QKI: variants seen among roughly 807,000 people sequenced by gnomAD.
QKI encodes KH domain-containing RNA-binding protein QKI.
A neutral mutation model predicts 39.0 loss-of-function variants in QKI; 10 were observed. The ratio of observed to expected loss-of-function variants is 0.26; its 90% CI spans 0.16 to 0.43. QKI has a LOEUF of 0.43. Among genes scored for constraint, QKI ranks in the 20% least tolerant of loss-of-function variants. The pLI is 1.00. For synonymous variants in QKI, 204 were observed against 155.4 expected (o/e 1.31, Z -2.33); for missense variants, 218 against 428.0 (o/e 0.51, Z 4.33).
At chr6:163,542,325 T>C (rs1056738840) in intron 4 of QKI, among the ~76,000 whole-genome samples, 2 of 152,134 alleles carry the variant, frequency 1.3e-5, no homozygotes, top group Non-Finnish European at 2.9e-5. Flanking sequence ...TGGATACATA[T>C]TCTATGATCT....
intron 3 of QKI, among the ~76,000 whole-genome samples, chr6:163,512,799 TA>T (rs913904076): frequency 2.0e-5 from 3 of 152,168 alleles, no homozygotes; most frequent in Non-Finnish European, 2.9e-5. Context: ...GTATATTCTT[TA>T]ATCATAGTGG....
At chr6:163,549,332 A>T (rs1342430166) in intron 4 of QKI, among the ~76,000 whole-genome samples, 1 of 152,206 alleles carries the variant, frequency 6.6e-6, no homozygotes, top group Admixed American at 6.5e-5. Context: ...GCTTGTGAAC[A>T]TCCCAGAGAA....
intron 4 of QKI, among the ~76,000 whole-genome samples, chr6:163,535,400 G>A (rs913353683): frequency 3.3e-5 from 5 of 151,946 alleles, no homozygotes; most frequent in Admixed American, 1.3e-4. Context: ...CTTCCTTCCC[G>A]GTTTCTCTTT....
chr6:163,569,768 G>A (rs1783593697), intron 7 of QKI: 1 of 990,804 alleles, frequency 1.0e-6, no homozygotes, highest in Non-Finnish European at 1.2e-6. Context: ...AGATTTTATT[G>A]TATTTGCAGA....
intron 4 of QKI, among the ~76,000 whole-genome samples, chr6:163,542,422 T>TGA (rs147907189): frequency 0.018 from 2,756 of 152,174 alleles, 28 homozygotes; most frequent in Non-Finnish European, 0.023. Flanking sequence ...ATATTAAGAT[T>TGA]GAGAAAGTAG....
Position 163,518,775 on chromosome 6 carries a change from G to A in QKI, c.403-16207G>A, listed in dbSNP as rs1399739929. Among the ~76,000 whole-genome samples, 2 of 152,122 alleles carry A rather than the reference G, an allele frequency of 1.3e-5. 1 individual carries two copies. Among genetic ancestry groups the A allele is most frequent in the Non-Finnish European group, 2.9e-5 (2 of 68,000 alleles). On this transcript the variant is annotated intron_variant, in intron 3 of 7. Coordinates refer to ENST00000361752, the MANE Select transcript of QKI (RefSeq NM_006775.3). ...AGGTTGAGGTTTCATTTATTCTGTA[G>A]TAGATTGTAGTAACTACTCTTTCAG...
chr6:163,525,605 C>A (rs943265640), intron 3 of QKI, among the ~76,000 whole-genome samples: 4 of 152,100 alleles, frequency 2.6e-5, no homozygotes, highest in South Asian at 2.1e-4. Flanking sequence ...GATCCTCCCC[C>A]CTCCCCGCCT....
intron 3 of QKI, among the ~76,000 whole-genome samples, chr6:163,504,375 T>C (rs1167543360): frequency 1.3e-5 from 2 of 152,164 alleles, no homozygotes; most frequent in East Asian, 3.8e-4. Flanking sequence ...TTTAAAATAG[T>C]TTTTTCTAAT....
At chr6:163,470,071 A>G (rs1291596189) in intron 2 of QKI, among the ~76,000 whole-genome samples, 3 of 152,160 alleles carry the variant, frequency 2.0e-5, no homozygotes, top group African/African-American at 4.8e-5. Flanking sequence ...GTGAATCAGC[A>G]AGATTGTGAA....
intron 1 of QKI, among the ~76,000 whole-genome samples, chr6:163,440,046 G>A (rs963493732): frequency 2.0e-5 from 3 of 152,122 alleles, no homozygotes; most frequent in Non-Finnish European, 4.4e-5. Context: ...CTTTTAATTT[G>A]AATATACCAT....
chr6:163,557,634 A>T (rs1782715666), intron 4 of QKI, among the ~76,000 whole-genome samples: 2 of 152,222 alleles, frequency 1.3e-5, no homozygotes, highest in Admixed American at 6.5e-5. Flanking sequence ...GGGTGACTAC[A>T]GTCAACAATA....
intron 3 of QKI, among the ~76,000 whole-genome samples, chr6:163,485,336 A>G (rs1001878321): frequency 2.0e-5 from 3 of 152,232 alleles, no homozygotes; most frequent in Non-Finnish European, 4.4e-5. Context: ...GCTAGGAGGC[A>G]TGGTCCACCT....
chr6:163,486,751 T>C (rs1400277029), intron 3 of QKI, among the ~76,000 whole-genome samples: 1 of 152,228 alleles, frequency 6.6e-6, no homozygotes, highest in Admixed American at 6.5e-5. Flanking sequence ...CAGTTATGCA[T>C]ATGTACACGT....
At position 163,577,672 on chromosome 6, in the gene QKI, T is replaced by C. The variant is rs1777655894; in HGVS notation, c.*6962T>C. On this transcript the variant is annotated 3_prime_UTR_variant, in exon 8 of 8. Transcript: ENST00000361752. Reference sequence around the variant, plus strand: ...TAATCCTTCCCCCCGGCTCTCTGGCTCCTGTGGATATCTGTGCTTGTTTCC... The same window carrying C: ...TAATCCTTCCCCCCGGCTCTCTGGCCCCTGTGGATATCTGTGCTTGTTTCC... The C allele has an allele frequency of 6.6e-6, 1 of 152,440 alleles. No individual in the cohort carries two copies. The highest frequency in any genetic ancestry group is 2.4e-5 in the African/African-American group (1 of 41,438). The allele number at this position is 152,440 out of a possible 1,614,324, so 9.4% of individuals were successfully genotyped here.
intron 2 of QKI, among the ~76,000 whole-genome samples, chr6:163,465,568 G>A (rs1355409277): frequency 1.3e-5 from 2 of 149,850 alleles, no homozygotes; most frequent in African/African-American, 4.9e-5. Flanking sequence ...GGTGGAGGTC[G>A]CAGTGAGCTG....
intron 1 of QKI, among the ~76,000 whole-genome samples, chr6:163,445,198 CAT>C (rs1370825859): frequency 6.6e-6 from 1 of 151,990 alleles, no homozygotes; most frequent in African/African-American, 2.4e-5. Context: ...CTCATATAAT[CAT>C]AGTATAGTTA....
In QKI at chr6:163,575,219, A is replaced by G. The variant is rs1335014973; in HGVS notation, c.*4509A>G. On this transcript the variant is annotated 3_prime_UTR_variant, in exon 8 of 8. Transcript: ENST00000361752. ...CTAATATACAAGTTGTCATGGTACC[A>G]TGTAACTTAAATTGATGAATTTCTA... 1.3e-5 allele frequency: 2 copies of G among 152,208 alleles called. No individual in the cohort carries two copies. Among genetic ancestry groups the G allele is most frequent in the Non-Finnish European group, 2.9e-5 (2 of 68,042 alleles). The allele number at this position is 152,208 out of a possible 1,614,324, so 9.4% of individuals were successfully genotyped here. A position where few individuals can be genotyped will look rare whatever the true frequency, so the allele number is the denominator to read the frequency against.
intron 3 of QKI, among the ~76,000 whole-genome samples, chr6:163,529,896 G>A (rs548800798): frequency 6.6e-6 from 1 of 152,304 alleles, no homozygotes; most frequent in East Asian, 1.9e-4. Context: ...GCAGCAGGGA[G>A]GTATGAACCC....
intron 3 of QKI, among the ~76,000 whole-genome samples, chr6:163,483,698 A>G (rs1793256184): frequency 6.6e-6 from 1 of 152,168 alleles, no homozygotes; most frequent in South Asian, 2.1e-4. Context: ...TTCTTCCTCC[A>G]TCATACTCCT....
Sources: allele counts gnomAD v4.1 joint callset (sites outside exome capture counted in the v4.1 genomes callset), GRCh38; gene constraint gnomAD v4.1.1; transcripts MANE v1.5; gene names NCBI Gene and HGNC (gene_info 2026-07-23, HGNC 2026-07-21).